The following GSG1L variants were observed in gnomAD, a reference collection of about 807,000 sequenced individuals.
GSG1L encodes the protein GSG1 like, also known as germ cell-specific gene 1-like protein.
A neutral mutation model predicts 42.1 loss-of-function variants in GSG1L; 24 were observed. The ratio of observed to expected loss-of-function variants is 0.57; its 90% CI spans 0.41 to 0.80. The LOEUF (loss-of-function observed/expected upper bound fraction) is 0.80, where lower values mean the gene tolerates loss of function less well. Ranked by LOEUF, GSG1L falls within the 30% of genes least tolerant of loss-of-function variation. The pLI is 0.00. For synonymous variants in GSG1L, 215 were observed against 203.5 expected (o/e 1.06, Z -0.48); for missense variants, 445 against 472.2 (o/e 0.94, Z 0.53).
intron 2 of GSG1L, among the ~76,000 whole-genome samples, chr16:27,909,539 A>T (rs12931581): frequency 6.6e-6 from 1 of 150,694 alleles, no homozygotes; most frequent in Admixed American, 6.6e-5. Context: ...GGCGTGAGCC[A>T]CCACTGACCT....
At chr16:27,865,550 TATATATATATATATATATATATACACAC>T (rs775512449) in intron 3 of GSG1L, among the ~76,000 whole-genome samples, 26,209 of 66,738 alleles carry the variant, frequency 0.39, 3,985 homozygotes, top group African/African-American at 0.43. Flanking sequence ...TATATATATA[TATATATATATATATATATATATACACAC>T]ACACATACAT....
At position 28,063,255 on chromosome 16, in the gene GSG1L, G is replaced by A; in HGVS notation, c.170C>T (p.Ala57Val). ...GGCGGTGCCGTTGGCCGTGGCGTTG[G>A]CGCCCGAGTTGGGGCAGTTGGCGCG... ...GGRANCPNSGANATANGTAAP... is the reference protein window; with the variant it reads ...GGRANCPNSGVNATANGTAAP... The change falls in exon 1 of 7, where the codon GCC (alanine) becomes GTC (valine). Residue 57 changes from alanine to valine, a missense_variant. This residue lies in a region of GSG1L where 156 missense variants were observed against 128.3 expected (regional missense o/e 1.22). Transcript: ENST00000447459. This position sits in a 1 kb window ranked among gnomAD's most constrained non-coding sequence, Gnocchi z 5.8. 4.6e-6 allele frequency: 6 copies of A among 1,312,984 alleles called. No homozygotes were observed. The highest frequency in any genetic ancestry group is 3.9e-6 in the Non-Finnish European group (4 of 1,027,922). 81.3% of individuals were successfully genotyped at this position (1,312,984 alleles called of 1,614,324 possible).
intron 2 of GSG1L, among the ~76,000 whole-genome samples, chr16:27,913,191 T>TGATAACAC (rs932915302): frequency 1.3e-5 from 2 of 152,202 alleles, no homozygotes; most frequent in African/African-American, 4.8e-5. Flanking sequence ...CATGTTAACA[T>TGATAACAC]GATAACACAT....
intron 1 of GSG1L, among the ~76,000 whole-genome samples, chr16:28,008,313 CAG>C (rs1322504412): frequency 6.6e-6 from 1 of 152,222 alleles, no homozygotes; most frequent in East Asian, 1.9e-4. Context: ...TTCCTGACCT[CAG>C]GTGATCCACC....
chr16:28,008,645 GC>G (rs2085673435), intron 1 of GSG1L, among the ~76,000 whole-genome samples: 1 of 152,032 alleles, frequency 6.6e-6, no homozygotes, highest in African/African-American at 2.4e-5. Context: ...CTCCCTTCCT[GC>G]CCACCAAGGA....
At chr16:27,949,696 C>A (rs564833404) in intron 2 of GSG1L, among the ~76,000 whole-genome samples, 1 of 152,126 alleles carries the variant, frequency 6.6e-6, no homozygotes, top group Non-Finnish European at 1.5e-5. Context: ...GAGGCCGAGG[C>A]GGGCGGATCA....
chr16:27,982,382 G>A (rs1339643000), intron 1 of GSG1L, among the ~76,000 whole-genome samples: 1 of 152,122 alleles, frequency 6.6e-6, no homozygotes, highest in Middle Eastern at 3.2e-3. Context: ...ATCCCAGTGG[G>A]GTCATGTGAG....
At chr16:27,855,507 G>A (rs1321956852) in intron 3 of GSG1L, among the ~76,000 whole-genome samples, 3 of 152,064 alleles carry the variant, frequency 2.0e-5, no homozygotes, top group Admixed American at 2.0e-4. Context: ...ATCACCTGAG[G>A]TCAGGAGTTC....
At chr16:28,017,732 A>C (rs1341652657) in intron 1 of GSG1L, among the ~76,000 whole-genome samples, 2 of 152,262 alleles carry the variant, frequency 1.3e-5, no homozygotes, top group East Asian at 3.8e-4. Context: ...CTTACAAAAC[A>C]ATGCGTAGAG....
At chr16:27,811,062 A>AG (rs397976333) in intron 5 of GSG1L, among the ~76,000 whole-genome samples, 1 of 151,978 alleles carries the variant, frequency 6.6e-6, no homozygotes, top group African/African-American at 2.4e-5. Context: ...CAAACAAAAA[A>AG]TCTCCAACAT....
chr16:27,849,674 C>A (rs2083485538), intron 3 of GSG1L, among the ~76,000 whole-genome samples: 1 of 151,958 alleles, frequency 6.6e-6, no homozygotes, highest in African/African-American at 2.4e-5. Flanking sequence ...AGGTGCATGC[C>A]ACCACACTTG....
chr16:27,911,266 G>GCTCGCT (rs568864667), intron 2 of GSG1L, among the ~76,000 whole-genome samples: 4 of 122,058 alleles, frequency 3.3e-5, no homozygotes, highest in Admixed American at 7.5e-5. Flanking sequence ...CCTCTCTCTC[G>GCTCGCT]CTCTCTCTCT....
At chr16:27,980,072 A>T (rs190648403) in intron 1 of GSG1L, among the ~76,000 whole-genome samples, 1 of 152,290 alleles carries the variant, frequency 6.6e-6, no homozygotes, top group African/African-American at 2.4e-5. Context: ...AGGAGGCTGT[A>T]ATTCTGCAAC....
At chr16:27,795,784 A>T (rs2082811638) in intron 6 of GSG1L, among the ~76,000 whole-genome samples, 1 of 152,152 alleles carries the variant, frequency 6.6e-6, no homozygotes, top group Admixed American at 6.5e-5. Flanking sequence ...TTCCCTTTTA[A>T]ATCCAGATAT....
chr16:27,938,199 C>G (rs1179410180), intron 2 of GSG1L, among the ~76,000 whole-genome samples: 2 of 151,902 alleles, frequency 1.3e-5, no homozygotes, highest in Non-Finnish European at 2.9e-5. Context: ...ATTGGCACCA[C>G]TAATATGGGT....
At position 28,059,077 on chromosome 16, in the gene GSG1L, AC is replaced by A. The variant is rs973086118; in HGVS notation, c.349+3998del. Among the ~76,000 whole-genome samples the A allele has an allele frequency of 1.8e-4, 27 of 152,118 alleles. No individual in the cohort carries two copies. The highest frequency in any genetic ancestry group is 6.5e-4 in the African/African-American group (27 of 41,418). The stretch of plus-strand genomic sequence containing the variant: ...TGGCTCAGCCCAGGGTGGCGGCAAC[AC>A]CGAGGTGGTGCTCCCCACTCCCTGC... On this transcript the variant is annotated intron_variant, in intron 1 of 6. Transcript: ENST00000447459. The surrounding 1 kb of genome is among the most constrained non-coding windows in gnomAD (Gnocchi z 4.4).
intron 1 of GSG1L, among the ~76,000 whole-genome samples, chr16:28,048,055 C>CAAA (rs57485332): frequency 1.3e-5 from 1 of 77,654 alleles, no homozygotes; most frequent in Non-Finnish European, 2.9e-5. Context: ...CTCATCTTTA[C>CAAA]AAAAAAAAAA....
intron 6 of GSG1L, among the ~76,000 whole-genome samples, chr16:27,792,376 T>C (rs1286932515): frequency 6.6e-6 from 1 of 152,202 alleles, no homozygotes; most frequent in Non-Finnish European, 1.5e-5. Flanking sequence ...CTTAGTGGAC[T>C]GGACAAGGGG....
At chr16:27,933,458 G>C (rs1284569136) in intron 2 of GSG1L, among the ~76,000 whole-genome samples, 2 of 151,944 alleles carry the variant, frequency 1.3e-5, no homozygotes, top group African/African-American at 4.8e-5. Context: ...GACCAGCCAG[G>C]GCAACATGGC....
Sources: allele counts gnomAD v4.1 joint callset (sites outside exome capture counted in the v4.1 genomes callset), GRCh38; gene constraint gnomAD v4.1.1; regional missense constraint gnomAD v4.1.1; non-coding constraint Gnocchi (gnomAD v3.1); transcripts MANE v1.5; gene names NCBI Gene and HGNC (gene_info 2026-07-23, HGNC 2026-07-21).